The following HERC1 variants were observed in gnomAD, a reference collection of about 807,000 sequenced individuals.
HERC1 encodes the protein HECT and RLD domain containing E3 ubiquitin protein ligase family member 1.
Under a neutral mutation model 554.3 loss-of-function variants are expected in HERC1, and 160 were observed. The ratio of observed to expected loss-of-function variants is 0.29; its 90% CI spans 0.25 to 0.33. The LOEUF (loss-of-function observed/expected upper bound fraction) is 0.33. Among genes scored for constraint, HERC1 ranks in the 10% least tolerant of loss-of-function variants. The pLI, the probability that HERC1 is intolerant of heterozygous loss-of-function variation, is 1.00. For missense variants in HERC1, 4,919 were observed against 5,918.5 expected, an observed-to-expected ratio of 0.83 and a Z score of 5.54; for synonymous variants, 2,175 against 2,131.7, an observed-to-expected ratio of 1.02 and a Z score of -0.56.
At chr15:63,649,389 T>C (rs1301926878) in intron 54 of HERC1, among the ~76,000 whole-genome samples, 1 of 152,014 alleles carries the variant, frequency 6.6e-6, no homozygotes, top group Non-Finnish European at 1.5e-5. Flanking sequence ...AAAAAAACAA[T>C]TTCATCTCTA....
At chr15:63,702,421 A>AC (rs2072768103) in intron 25 of HERC1, among the ~76,000 whole-genome samples, 1 of 152,234 alleles carries the variant, frequency 6.6e-6, no homozygotes, top group Admixed American at 6.5e-5. Context: ...GGCGATAATC[A>AC]AACCACACAG....
intron 24 of HERC1, among the ~76,000 whole-genome samples, chr15:63,712,504 A>G (rs1365755134): frequency 6.6e-6 from 1 of 152,234 alleles, no homozygotes; most frequent in African/African-American, 2.4e-5. Context: ...TAGATAGGTT[A>G]AGATTGGGGT....
At chr15:63,746,789 A>G (rs1349230558) in intron 12 of HERC1, 129 bp downstream of exon 12, 2 of 818,676 alleles carry the variant, frequency 2.4e-6, no homozygotes, top group Non-Finnish European at 1.9e-6. Context: ...TACTCTCACC[A>G]AGAAAACAGG....
intron 25 of HERC1, among the ~76,000 whole-genome samples, 165 bp downstream of exon 25, chr15:63,706,615 T>C (rs2073018923): frequency 6.6e-6 from 1 of 152,168 alleles, no homozygotes; most frequent in Admixed American, 6.5e-5. Flanking sequence ...TTAACTCTTC[T>C]GATAAAATGA....
At position 63,608,702 on chromosome 15, in the gene HERC1, T is replaced by G. The variant is rs952300467; in HGVS notation, c.*379A>C. 6.4e-6 allele frequency: 1 copy of G among 157,244 alleles called. No individual in the cohort carries two copies. The highest frequency in any genetic ancestry group is 2.4e-5 in the African/African-American group (1 of 41,548). 9.7% of individuals were successfully genotyped at this position (157,244 alleles called of 1,614,324 possible). ...TTAAAACAAAATAAATATATGAATA[T>G]TCATGTAAAACTGTCCTTTCTAATG... On this transcript the variant is annotated 3_prime_UTR_variant, in exon 78 of 78. Coordinates refer to ENST00000443617, the MANE Select transcript of HERC1 (RefSeq NM_003922.4).
At chr15:63,730,608 TTAAA>T (rs1334833325) in intron 14 of HERC1, among the ~76,000 whole-genome samples, 2 of 152,230 alleles carry the variant, frequency 1.3e-5, no homozygotes, top group African/African-American at 4.8e-5. Context: ...AGACTATATA[TTAAA>T]TAACAGTTCT....
At chr15:63,637,684 A>G (rs768040590) in intron 63 of HERC1, 41 bp from the exon 64 acceptor site, 1 of 1,485,270 alleles carries the variant, frequency 6.7e-7, no homozygotes, top group South Asian at 1.3e-5. Context: ...ATTCTTTATT[A>G]TATTGCTTTA....
chr15:63,787,312 A>G (rs950294754), intron 1 of HERC1, among the ~76,000 whole-genome samples: 1 of 151,824 alleles, frequency 6.6e-6, no homozygotes, highest in Non-Finnish European at 1.5e-5. Context: ...ATGCACCACC[A>G]CACCCAGCTA....
intron 40 of HERC1, among the ~76,000 whole-genome samples, chr15:63,668,365 C>A (rs557402349): frequency 6.6e-6 from 1 of 152,132 alleles, no homozygotes; most frequent in Non-Finnish European, 1.5e-5. Flanking sequence ...TGGTGGCATG[C>A]ACCTGTAGTC....
chr15:63,685,308 G>A (rs1017311775), intron 34 of HERC1, among the ~76,000 whole-genome samples: 1 of 152,260 alleles, frequency 6.6e-6, no homozygotes, highest in African/African-American at 2.4e-5. Context: ...CAGAGTGGAA[G>A]GCCCCATGGG....
chr15:63,776,822 A>T (rs1429192778), intron 1 of HERC1, among the ~76,000 whole-genome samples: 1 of 152,162 alleles, frequency 6.6e-6, no homozygotes, highest in African/African-American at 2.4e-5. Context: ...TAAAAATAAA[A>T]AAACTCAGTG....
intron 8 of HERC1, among the ~76,000 whole-genome samples, chr15:63,750,807 C>T (rs780007715): frequency 1.3e-5 from 2 of 152,120 alleles, no homozygotes; most frequent in African/African-American, 2.4e-5. Context: ...GTGGCACAGG[C>T]CTGTGGTCCC....
intron 19 of HERC1, among the ~76,000 whole-genome samples, chr15:63,722,335 T>G (rs928767159): frequency 2.0e-5 from 3 of 152,186 alleles, no homozygotes; most frequent in African/African-American, 7.2e-5. Context: ...ACCTATAGCT[T>G]AGACTTCTAA....
At chr15:63,711,832 C>T (rs575864425) in intron 24 of HERC1, among the ~76,000 whole-genome samples, 16 of 152,252 alleles carry the variant, frequency 1.1e-4, no homozygotes, top group African/African-American at 3.4e-4. Context: ...CTACCATCTT[C>T]GTATCACACA....
At chr15:63,721,307 T>C (rs2140499355) in intron 19 of HERC1, among the ~76,000 whole-genome samples, 1 of 152,276 alleles carries the variant, frequency 6.6e-6, no homozygotes, top group East Asian at 1.9e-4. Flanking sequence ...ATGGATCACC[T>C]GAGGTCACGA....
intron 67 of HERC1, 27 bp from the exon 68 acceptor site, chr15:63,632,838 A>G: frequency 6.9e-7 from 1 of 1,442,878 alleles, no homozygotes; most frequent in South Asian, 1.3e-5. Flanking sequence ...TAAGGCACAC[A>G]ACTTTAAGAA....
At chr15:63,804,534 C>T (rs921196225) in intron 1 of HERC1, among the ~76,000 whole-genome samples, 1 of 150,900 alleles carries the variant, frequency 6.6e-6, no homozygotes, top group East Asian at 1.9e-4. Context: ...TGCAGTGAGC[C>T]GAGATCGTAC....
intron 19 of HERC1, among the ~76,000 whole-genome samples, chr15:63,722,231 T>C (rs2140540120): frequency 6.6e-6 from 1 of 152,312 alleles, no homozygotes; most frequent in East Asian, 1.9e-4. Context: ...CATAGTACTT[T>C]ACCATGGTAC....
intron 16 of HERC1, among the ~76,000 whole-genome samples, chr15:63,728,888 A>T (rs1029950241): frequency 2.6e-5 from 4 of 151,920 alleles, no homozygotes; most frequent in African/African-American, 9.7e-5. Flanking sequence ...TCAAGAAGGA[A>T]AGTGAAAAAA....
Sources: gnomAD v4.1 joint callset for allele counts (sites outside exome capture counted in the v4.1 genomes callset) on GRCh38, gnomAD v4.1.1 for gene constraint, MANE v1.5 for transcripts, NCBI Gene and HGNC (gene_info 2026-07-23, HGNC 2026-07-21) for gene names.